The following PRKCB variants were observed in gnomAD, a reference collection of about 807,000 sequenced individuals.
PRKCB encodes protein kinase C beta type.
In PRKCB, 13 loss-of-function variants were observed where a neutral mutation model predicts 81.5. The ratio of observed to expected loss-of-function variants is 0.16; its 90% CI spans 0.10 to 0.25. The LOEUF (loss-of-function observed/expected upper bound fraction) is 0.25. PRKCB is among the 10% of genes least tolerant of loss of function. The pLI is 1.00. For missense variants in PRKCB, 509 were observed against 875.7 expected, an observed-to-expected ratio of 0.58 and a Z score of 5.29; for synonymous variants, 335 against 321.4, an observed-to-expected ratio of 1.04 and a Z score of -0.45.
intron 16 of PRKCB, 39 bp downstream of exon 16, chr16:24,191,269 C>A (rs1173162056): frequency 6.2e-7 from 1 of 1,611,328 alleles, no homozygotes; most frequent in East Asian, 2.2e-5. Flanking sequence ...GGTATTCACA[C>A]ACAAGGTATT....
chr16:24,148,966 A>G (rs528202323), intron 9 of PRKCB, among the ~76,000 whole-genome samples: 1 of 152,306 alleles, frequency 6.6e-6, no homozygotes, highest in African/African-American at 2.4e-5. Flanking sequence ...AACAACAGCC[A>G]TCCTATATTA....
intron 16 of PRKCB, among the ~76,000 whole-genome samples, chr16:24,211,557 C>CTTTTT (rs34318557): frequency 7.7e-6 from 1 of 130,480 alleles, no homozygotes; most frequent in Non-Finnish European, 1.6e-5. Flanking sequence ...TACAGACTCA[C>CTTTTT]TTTTTTTTTT....
chr16:24,040,463 T>A (rs947453756), intron 5 of PRKCB, among the ~76,000 whole-genome samples: 1 of 152,228 alleles, frequency 6.6e-6, no homozygotes, highest in Non-Finnish European at 1.5e-5. Flanking sequence ...CCCCCTTTCG[T>A]AGACACTCAT....
At chr16:23,980,415 TG>T (rs1232472824) in intron 2 of PRKCB, among the ~76,000 whole-genome samples, 2 of 152,168 alleles carry the variant, frequency 1.3e-5, no homozygotes, top group Non-Finnish European at 2.9e-5. Context: ...TGCATGCCAG[TG>T]GCTCCAACTT....
intron 5 of PRKCB, among the ~76,000 whole-genome samples, chr16:24,068,888 A>G (rs998706512): frequency 6.6e-6 from 1 of 152,214 alleles, no homozygotes; most frequent in Non-Finnish European, 1.5e-5. Flanking sequence ...GGGAGTGAAG[A>G]TAGTGAAGTA....
intron 3 of PRKCB, among the ~76,000 whole-genome samples, chr16:24,024,575 T>A (rs1206875988): frequency 6.6e-6 from 1 of 152,214 alleles, no homozygotes; most frequent in Non-Finnish European, 1.5e-5. Context: ...ATCAGAACAA[T>A]CACATTGTAC....
intron 5 of PRKCB, among the ~76,000 whole-genome samples, chr16:24,064,328 T>A (rs954708865): frequency 7.9e-5 from 12 of 152,266 alleles, no homozygotes; most frequent in African/African-American, 2.9e-4. Context: ...TAAGCACAGC[T>A]TTAGTTGACT....
chr16:24,171,690 T>G (rs1967443172), intron 10 of PRKCB, among the ~76,000 whole-genome samples: 1 of 152,198 alleles, frequency 6.6e-6, no homozygotes, highest in South Asian at 2.1e-4. Flanking sequence ...ATTAATATGC[T>G]AATTGTATTT....
At chr16:24,127,217 G>T (rs1966846090) in intron 9 of PRKCB, among the ~76,000 whole-genome samples, 1 of 151,614 alleles carries the variant, frequency 6.6e-6, no homozygotes, top group Admixed American at 6.6e-5. Flanking sequence ...TGTTGGTCAG[G>T]CTGGTCTTGA....
rs534672220 is a variant in PRKCB at position 24,110,665 on chromosome 16, C to T, written c.822-2308C>T. ...TCAAGTAGCTGGGACTACTGGCATG[C>T]GCCACCATACCTAGCTAAATTTTTT... On this transcript the variant is annotated intron_variant, in intron 7 of 16. Coordinates refer to ENST00000643927, the MANE Select transcript of PRKCB (RefSeq NM_002738.7). Among the ~76,000 whole-genome samples, 25 of 151,904 alleles carry T rather than the reference C, an allele frequency of 1.6e-4. No homozygotes were observed. In the East Asian group the frequency reaches 3.9e-3, roughly 24 times the overall value.
chr16:24,153,205 G>C (rs1967104918), intron 9 of PRKCB, among the ~76,000 whole-genome samples: 5 of 152,130 alleles, frequency 3.3e-5, no homozygotes, highest in Admixed American at 1.3e-4. Flanking sequence ...TGCATCCTCT[G>C]GTCCTCCAGC....
At chr16:24,100,311 T>G (rs1211224437) in intron 7 of PRKCB, among the ~76,000 whole-genome samples, 1 of 152,112 alleles carries the variant, frequency 6.6e-6, no homozygotes, top group African/African-American at 2.4e-5. Context: ...AGATTTTATT[T>G]TTAGCCTACG....
At chr16:24,205,071 G>T (rs1444206072) in intron 16 of PRKCB, among the ~76,000 whole-genome samples, 1 of 150,634 alleles carries the variant, frequency 6.6e-6, no homozygotes, top group African/African-American at 2.4e-5. Context: ...AGTGAGCCGA[G>T]ATCGTGCCAC....
intron 12 of PRKCB, 140 bp downstream of exon 12, chr16:24,174,720 C>A: frequency 5.1e-6 from 4 of 789,576 alleles, no homozygotes; most frequent in Non-Finnish European, 8.2e-6. Context: ...ATGTGTTCTG[C>A]CAGGCAGCAT....
At chr16:24,020,340 T>C (rs1036911064) in intron 3 of PRKCB, among the ~76,000 whole-genome samples, 1 of 152,192 alleles carries the variant, frequency 6.6e-6, no homozygotes, top group African/African-American at 2.4e-5. Context: ...AAGTAAATAT[T>C]ATGTTGGTGC....
intron 3 of PRKCB, among the ~76,000 whole-genome samples, chr16:23,990,992 C>T (rs554082700): frequency 2.2e-4 from 33 of 152,332 alleles, no homozygotes; most frequent in African/African-American, 7.0e-4. Context: ...TTTGTTTCTG[C>T]TTTGAATCCC....
chr16:23,962,299 T>G (rs976247876), intron 2 of PRKCB, among the ~76,000 whole-genome samples: 2 of 152,178 alleles, frequency 1.3e-5, no homozygotes, highest in African/African-American at 4.8e-5. Flanking sequence ...CGTCCCTGTC[T>G]TTGTCAGTGG....
At chr16:24,036,186 G>A (rs1965615792) in intron 5 of PRKCB, among the ~76,000 whole-genome samples, 1 of 151,440 alleles carries the variant, frequency 6.6e-6, no homozygotes. Flanking sequence ...AGTCTCCTGG[G>A]AGATGCAGTG....
intron 3 of PRKCB, among the ~76,000 whole-genome samples, chr16:24,003,396 T>G: frequency 6.6e-6 from 1 of 151,834 alleles, no homozygotes; most frequent in Admixed American, 6.6e-5. Flanking sequence ...GTTTTTTTTT[T>G]TTTTTTGAGA....
Sources: allele counts gnomAD v4.1 joint callset (sites outside exome capture counted in the v4.1 genomes callset), GRCh38; gene constraint gnomAD v4.1.1; transcripts MANE v1.5; gene names NCBI Gene and HGNC (gene_info 2026-07-23, HGNC 2026-07-21).